The following PDIA5 variants were observed in gnomAD, a reference collection of about 807,000 sequenced individuals.
PDIA5 encodes the protein protein disulfide isomerase family A member 5.
A neutral mutation model predicts 77.6 loss-of-function variants in PDIA5; 58 were observed. The observed-to-expected ratio is 0.75, with a 90% CI of 0.61 to 0.93. The LOEUF is 0.93. Among genes scored for constraint, PDIA5 ranks in the 40% least tolerant of loss-of-function variants. The pLI is 0.00. For synonymous variants in PDIA5, 250 were observed against 252.1 expected (o/e 0.99, Z 0.08); for missense variants, 630 against 647.7 (o/e 0.97, Z 0.30).
chr3:123,120,647 C>T (rs1935092610), intron 8 of PDIA5, among the ~76,000 whole-genome samples: 1 of 152,250 alleles, frequency 6.6e-6, no homozygotes, highest in South Asian at 2.1e-4. Flanking sequence ...CCCTAAGTGC[C>T]AGTGCCACGT....
intron 10 of PDIA5, among the ~76,000 whole-genome samples, chr3:123,127,648 G>T (rs757703860): frequency 6.6e-6 from 1 of 152,116 alleles, no homozygotes; most frequent in Non-Finnish European, 1.5e-5. Flanking sequence ...TATTTACACC[G>T]AACTGGAGTT....
intron 13 of PDIA5, among the ~76,000 whole-genome samples, chr3:123,149,921 G>A (rs1049565291): frequency 5.3e-5 from 8 of 152,196 alleles, no homozygotes; most frequent in Admixed American, 3.9e-4. Context: ...AAGCAGAGGT[G>A]CCTCTATGCT....
Position 123,096,369 on chromosome 3 carries a change from T to A in PDIA5, c.257+3927T>A, listed in dbSNP as rs937888269. Among the ~76,000 whole-genome samples, 110 of 152,022 alleles carry A rather than the reference T, an allele frequency of 7.2e-4. 1 individual carries two copies. The highest frequency in any genetic ancestry group is 2.4e-3 in the African/African-American group (99 of 41,384). ...GCTCAGCTAAGTTTTGTATTTTTTT[T>A]ATAGAGACCAGGTTTTGCCATGTTG... On this transcript the variant is annotated intron_variant, in intron 3 of 16. Transcript: ENST00000316218.
At chr3:123,118,451 A>G (rs1376135843) in intron 8 of PDIA5, among the ~76,000 whole-genome samples, 1 of 152,208 alleles carries the variant, frequency 6.6e-6, no homozygotes, top group Middle Eastern at 3.4e-3. Context: ...AAATCAGATC[A>G]CAAGTTATTC....
intron 8 of PDIA5, among the ~76,000 whole-genome samples, chr3:123,122,470 G>A (rs187514404): frequency 1.1e-3 from 171 of 152,240 alleles, no homozygotes; most frequent in South Asian, 4.1e-3. Flanking sequence ...AATTTAGTGA[G>A]CATTTATTGT....
intron 8 of PDIA5, 58 bp from the exon 9 acceptor site, chr3:123,124,008 G>A: frequency 2.8e-6 from 3 of 1,061,030 alleles, no homozygotes; most frequent in Non-Finnish European, 4.4e-6. Flanking sequence ...ATGGCGTGTG[G>A]ACTAGAGGGT....
At chr3:123,150,665 T>A (rs1935872302) in intron 14 of PDIA5, among the ~76,000 whole-genome samples, 1 of 151,832 alleles carries the variant, frequency 6.6e-6, no homozygotes, top group Admixed American at 6.6e-5. Flanking sequence ...CATGCCCCTG[T>A]CCCCTACCTG....
chr3:123,098,880 C>T (rs1934511632), intron 3 of PDIA5, among the ~76,000 whole-genome samples: 1 of 152,210 alleles, frequency 6.6e-6, no homozygotes, highest in Non-Finnish European at 1.5e-5. Flanking sequence ...TCCTTTCTCC[C>T]CTAGAACCTC....
rs540657402 is a variant in PDIA5 at position 123,117,053 on chromosome 3, C to T, written c.609+755C>T. Reference sequence around the variant, plus strand: ...GAGCTGGGAGGGGGGATGGACCTCACACAGAAGGGCCGAGGGTCAGTCACC... The same window carrying T: ...GAGCTGGGAGGGGGGATGGACCTCATACAGAAGGGCCGAGGGTCAGTCACC... On this transcript the variant is annotated intron_variant, in intron 8 of 16. Transcript: ENST00000316218. Among the ~76,000 whole-genome samples, 35 of 151,916 alleles carry T rather than the reference C, an allele frequency of 2.3e-4. No individual in the cohort carries two copies. The East Asian group carries it at 5.8e-3, about 25-fold the overall frequency.
At position 123,092,344 on chromosome 3, in the gene PDIA5, T is replaced by A; in HGVS notation, c.170-11T>A. 6.2e-7 allele frequency: 1 copy of A among 1,612,432 alleles called. No individual in the cohort carries two copies. The highest frequency in any genetic ancestry group is 8.5e-7 in the Non-Finnish European group (1 of 1,178,786). On this transcript the variant is annotated splice_polypyrimidine_tract_variant and intron_variant, in intron 2 of 16. Coordinates refer to ENST00000316218, the MANE Select transcript of PDIA5 (RefSeq NM_006810.4). ...GTCACAGATGTTTAATTTTTTGTTT[T>A]TTTTTTACAGAGGTGGCAGCTGAAA...
chr3:123,094,706 C>A (rs561644240), intron 3 of PDIA5, among the ~76,000 whole-genome samples: 1 of 152,224 alleles, frequency 6.6e-6, no homozygotes, highest in African/African-American at 2.4e-5. Context: ...TGCCGAGGAA[C>A]GAGTAGGTGG....
intron 8 of PDIA5, among the ~76,000 whole-genome samples, chr3:123,122,741 A>C (rs1342583335): frequency 1.3e-5 from 2 of 152,224 alleles, no homozygotes; most frequent in Non-Finnish European, 2.9e-5. Context: ...CACATGACTC[A>C]TAAGTGGAAG....
chr3:123,155,829 G>A (rs1936010335), intron 15 of PDIA5, among the ~76,000 whole-genome samples: 1 of 152,148 alleles, frequency 6.6e-6, no homozygotes, highest in African/African-American at 2.4e-5. Context: ...CACGTGCAGG[G>A]GTGCCTTACT....
chr3:123,076,015 G>A (rs182369532), intron 1 of PDIA5, among the ~76,000 whole-genome samples: 29 of 152,294 alleles, frequency 1.9e-4, no homozygotes, highest in African/African-American at 7.0e-4. Context: ...TTCTCTGAAG[G>A]GATTTGGGGG....
At chr3:123,122,230 G>T (rs1935136863) in intron 8 of PDIA5, among the ~76,000 whole-genome samples, 1 of 152,142 alleles carries the variant, frequency 6.6e-6, no homozygotes, top group Non-Finnish European at 1.5e-5. Context: ...GGACGTGTAA[G>T]ATTAATCTGT....
intron 8 of PDIA5, among the ~76,000 whole-genome samples, chr3:123,120,674 C>T (rs1188643583): frequency 6.6e-6 from 1 of 152,244 alleles, no homozygotes; most frequent in Non-Finnish European, 1.5e-5. Context: ...TGGCTTGCTT[C>T]ACAGCTCCAT....
At chr3:123,114,794 G>A (rs1055735847) in intron 7 of PDIA5, among the ~76,000 whole-genome samples, 1 of 152,152 alleles carries the variant, frequency 6.6e-6, no homozygotes, top group Non-Finnish European at 1.5e-5. Flanking sequence ...GGGCAGATTC[G>A]GCGGGCTCGC....
chr3:123,139,466 A>G (rs1488614617), intron 11 of PDIA5, among the ~76,000 whole-genome samples: 1 of 152,190 alleles, frequency 6.6e-6, no homozygotes, highest in Admixed American at 6.5e-5. Flanking sequence ...TGTCTTATTC[A>G]GGGTCAGAGG....
intron 1 of PDIA5, 200 bp downstream of exon 1, chr3:123,067,406 T>C (rs1409430061): frequency 1.4e-5 from 6 of 442,560 alleles, no homozygotes; most frequent in African/African-American, 2.0e-5. Context: ...CGCCAAGCGC[T>C]CCCGGACGCA....
Sources: gnomAD v4.1 joint callset for allele counts (sites outside exome capture counted in the v4.1 genomes callset) on GRCh38, gnomAD v4.1.1 for gene constraint, MANE v1.5 for transcripts, NCBI Gene and HGNC (gene_info 2026-07-23, HGNC 2026-07-21) for gene names.